CNTNAP4: variants seen among roughly 807,000 people sequenced by gnomAD.
CNTNAP4 encodes contactin-associated protein-like 4.
In CNTNAP4, 98 loss-of-function variants were observed where a neutral mutation model predicts 148.4. The observed-to-expected ratio is 0.66, with a 90% CI of 0.56 to 0.78. The LOEUF is 0.78. CNTNAP4 is among the 30% of genes least tolerant of loss of function. CNTNAP4 has a pLI of 0.00. For synonymous variants in CNTNAP4, 730 were observed against 565.1 expected (o/e 1.29, Z -4.14); for missense variants, 1,935 against 1,565.6 (o/e 1.24, Z -3.98).
At chr16:76,534,981 T>G (rs2144239660) in intron 17 of CNTNAP4, among the ~76,000 whole-genome samples, 1 of 152,294 alleles carries the variant, frequency 6.6e-6, no homozygotes, top group Middle Eastern at 3.4e-3. Flanking sequence ...AACACTAGAC[T>G]AATCTTTAGA....
intron 21 of CNTNAP4, among the ~76,000 whole-genome samples, chr16:76,550,646 A>G (rs2084918893): frequency 6.7e-6 from 1 of 148,346 alleles, no homozygotes; most frequent in African/African-American, 2.5e-5. Context: ...TTTAATTTTT[A>G]TTTTCTTTTT....
intron 3 of CNTNAP4, among the ~76,000 whole-genome samples, chr16:76,397,938 T>TTATGTATG: frequency 1.6e-5 from 1 of 62,292 alleles, no homozygotes; most frequent in East Asian, 8.0e-4. Flanking sequence ...AACTAATAGA[T>TTATGTATG]TATATACATA....
chr16:76,326,371 C>T (rs1033343035), intron 2 of CNTNAP4, among the ~76,000 whole-genome samples: 1 of 152,192 alleles, frequency 6.6e-6, no homozygotes, highest in African/African-American at 2.4e-5. Flanking sequence ...TCCTAGCTTT[C>T]TTGCCTGATG....
chr16:76,510,937 T>C (rs532526754), intron 15 of CNTNAP4, among the ~76,000 whole-genome samples: 1 of 152,316 alleles, frequency 6.6e-6, no homozygotes, highest in South Asian at 2.1e-4. Context: ...ACTTGCTTTT[T>C]CTGTCTGAAT....
intron 1 of CNTNAP4, among the ~76,000 whole-genome samples, chr16:76,301,145 AAC>A (rs3054048): frequency 0.018 from 2,705 of 152,162 alleles, 79 homozygotes; most frequent in African/African-American, 0.062. Flanking sequence ...ATAAAAAATT[AAC>A]ACACACAAAA....
rs533134199 is a variant in CNTNAP4, at chr16:76,503,139, G to A, written c.2365+4445G>A. 3.6e-3 allele frequency among the ~76,000 whole-genome samples: 542 copies of A among 152,248 alleles called. 2 individuals are homozygous for A. Among genetic ancestry groups the A allele is most frequent in the African/African-American group, 0.012 (519 of 41,540 alleles). ...GCATAAAGGACATCTGTGAAAATCT[G>A]ATAGCTAATGTCATACTTTGAATAG... On this transcript the variant is annotated intron_variant, in intron 15 of 23. Coordinates refer to ENST00000611870, the MANE Select transcript of CNTNAP4 (RefSeq NM_033401.5).
chr16:76,368,639 A>G (rs12716805), intron 3 of CNTNAP4, among the ~76,000 whole-genome samples: 52,372 of 151,470 alleles, frequency 0.35, 9,750 homozygotes, highest in African/African-American at 0.45. Flanking sequence ...ATATGGGCAC[A>G]GGGAGGGGAA....
chr16:76,484,808 T>C (rs1167705630), intron 12 of CNTNAP4, among the ~76,000 whole-genome samples: 1 of 152,204 alleles, frequency 6.6e-6, no homozygotes. Flanking sequence ...CTTCTAGTTA[T>C]ATAGATCAGG....
intron 3 of CNTNAP4, among the ~76,000 whole-genome samples, chr16:76,375,076 CT>C (rs1012266659): frequency 1.3e-5 from 2 of 151,984 alleles, no homozygotes; most frequent in East Asian, 1.9e-4. Flanking sequence ...GCCAGCAGAA[CT>C]TTTTTTAAGA....
In CNTNAP4 at chr16:76,280,303, T is replaced by C. The variant is rs374735601; in HGVS notation, c.85+2556T>C. Among the ~76,000 whole-genome samples, 5 of 152,296 alleles carry C rather than the reference T, an allele frequency of 3.3e-5. No homozygotes were observed. In the South Asian group the frequency reaches 8.3e-4, roughly 25 times the overall value. On this transcript the variant is annotated intron_variant, in intron 1 of 23. Coordinates refer to ENST00000611870, the MANE Select transcript of CNTNAP4 (RefSeq NM_033401.5). Reference sequence around the variant, plus strand: ...AGGTGCACTTTAATTTGAATGTTAATTGATCCAATTAAACAGCAGGGAAAC... The same window carrying C: ...AGGTGCACTTTAATTTGAATGTTAACTGATCCAATTAAACAGCAGGGAAAC...
At chr16:76,524,028 GTC>G (rs1568503873) in intron 17 of CNTNAP4, among the ~76,000 whole-genome samples, 1 of 152,098 alleles carries the variant, frequency 6.6e-6, no homozygotes, top group Non-Finnish European at 1.5e-5. Context: ...TTTCTTAAGA[GTC>G]TGATCTTATT....
chr16:76,535,467 G>T (rs187454484), intron 17 of CNTNAP4, 78 bp from the exon 18 acceptor site: 3 of 1,497,422 alleles, frequency 2.0e-6, no homozygotes, highest in Admixed American at 2.1e-5. Flanking sequence ...TCTCTGTAAG[G>T]CCTCAGTTTT....
intron 7 of CNTNAP4, among the ~76,000 whole-genome samples, chr16:76,450,315 A>AT (rs1334633886): frequency 1.3e-5 from 2 of 152,000 alleles, no homozygotes; most frequent in Admixed American, 6.6e-5. Flanking sequence ...CACCTGGCTA[A>AT]TTTTTTGTAT....
chr16:76,500,464 C>G (rs1413066882), intron 15 of CNTNAP4, among the ~76,000 whole-genome samples: 3 of 152,136 alleles, frequency 2.0e-5, no homozygotes, highest in Non-Finnish European at 1.5e-5. Context: ...TGCTGTTACC[C>G]ACATAGGAAA....
intron 4 of CNTNAP4, among the ~76,000 whole-genome samples, chr16:76,446,777 G>GCCC (rs1185303047): frequency 2.0e-5 from 3 of 152,064 alleles, no homozygotes; most frequent in African/African-American, 7.2e-5. Context: ...TGTACTCAAG[G>GCCC]CGGCATTTGA....
intron 15 of CNTNAP4, among the ~76,000 whole-genome samples, chr16:76,501,294 T>C (rs2082632057): frequency 6.6e-6 from 1 of 152,148 alleles, no homozygotes; most frequent in African/African-American, 2.4e-5. Flanking sequence ...AGAGAAGTTG[T>C]TTTATACATC....
intron 1 of CNTNAP4, among the ~76,000 whole-genome samples, chr16:76,307,073 A>T (rs1287928900): frequency 6.6e-6 from 1 of 152,232 alleles, no homozygotes. Flanking sequence ...TAGCCTAACA[A>T]TAACAAAAGT....
chr16:76,548,788 T>A (rs2084845597), intron 21 of CNTNAP4, among the ~76,000 whole-genome samples: 2 of 152,202 alleles, frequency 1.3e-5, no homozygotes, highest in Admixed American at 1.3e-4. Flanking sequence ...ACCTACCCTG[T>A]TCTAACTCAT....
rs73621009 is a variant in CNTNAP4, at chr16:76,462,786, A to C, written c.1483+681A>C. Among the ~76,000 whole-genome samples, 4 of 152,294 alleles carry C rather than the reference A, an allele frequency of 2.6e-5. No individual in the cohort carries two copies. In the South Asian group the frequency reaches 8.3e-4, roughly 32 times the overall value. On this transcript the variant is annotated intron_variant, in intron 9 of 23. Transcript: ENST00000611870. ...AATGTTCTTTTCCGTTAGAAATCCA[A>C]TGTTTTAAAACTGCCAGCAGTAAGA...
Sources: gnomAD v4.1 joint callset for allele counts (sites outside exome capture counted in the v4.1 genomes callset) on GRCh38, gnomAD v4.1.1 for gene constraint, MANE v1.5 for transcripts, NCBI Gene and HGNC (gene_info 2026-07-23, HGNC 2026-07-21) for gene names.